XRN1: variants seen among roughly 807,000 people sequenced by gnomAD.
XRN1 encodes 5'-3' exoribonuclease 1.
In XRN1, 67 loss-of-function variants were observed where a neutral mutation model predicts 222.3. The ratio of observed to expected loss-of-function variants is 0.30; its 90% CI spans 0.25 to 0.37. XRN1 has a LOEUF of 0.37. XRN1 is among the 10% of genes least tolerant of loss of function. The pLI is 1.00. For missense variants in XRN1, 1,707 were observed against 2,000.2 expected, an observed-to-expected ratio of 0.85 and a Z score of 2.80; for synonymous variants, 643 against 652.4, an observed-to-expected ratio of 0.99 and a Z score of 0.22.
At chr3:142,328,703 TTATATATATATATATATATATATA>T (rs67278209) in intron 37 of XRN1, among the ~76,000 whole-genome samples, 1,200 of 47,104 alleles carry the variant, frequency 0.025, 85 homozygotes, top group Non-Finnish European at 0.04. Flanking sequence ...ACTTGTAATA[TTATATATATATATATATATATATA>T]TATATATATA....
chr3:142,323,478 G>A (rs1203745206), intron 37 of XRN1, among the ~76,000 whole-genome samples: 4 of 151,844 alleles, frequency 2.6e-5, no homozygotes, highest in South Asian at 2.1e-4. Context: ...TACCATGCCC[G>A]GCCCACTTTT....
intron 20 of XRN1, among the ~76,000 whole-genome samples, chr3:142,392,325 CTT>C (rs58724846): frequency 1.7e-3 from 247 of 143,222 alleles, no homozygotes; most frequent in African/African-American, 3.8e-3. Flanking sequence ...CCAGCAATTT[CTT>C]TTTTTTTTTT....
intron 2 of XRN1, among the ~76,000 whole-genome samples, chr3:142,430,468 T>C (rs139169491): frequency 3.3e-5 from 5 of 152,336 alleles, no homozygotes; most frequent in Non-Finnish European, 4.4e-5. Flanking sequence ...GAGATTCTGA[T>C]AGAGTAAGTC....
chr3:142,316,255 C>T (rs2065209650), intron 39 of XRN1, among the ~76,000 whole-genome samples: 1 of 127,798 alleles, frequency 7.8e-6, no homozygotes, highest in Non-Finnish European at 1.6e-5. Context: ...CTCATTCTGT[C>T]ACCCAGGCTG....
At chr3:142,354,772 C>A (rs1486181982) in intron 32 of XRN1, among the ~76,000 whole-genome samples, 1 of 152,152 alleles carries the variant, frequency 6.6e-6, no homozygotes, top group Non-Finnish European at 1.5e-5. Flanking sequence ...CTCCAGTGAT[C>A]CACCCACCCC....
chr3:142,308,589 A>AT lies in XRN1; in HGVS notation c.*2921dup. 1 of 152,338 alleles carries AT rather than the reference A, an allele frequency of 6.6e-6. No homozygotes were observed. Among genetic ancestry groups the AT allele is most frequent in the South Asian group, 2.1e-4 (1 of 4,828 alleles). The allele number at this position is 152,338 out of a possible 1,614,324, so 9.4% of individuals were successfully genotyped here. On this transcript the variant is annotated 3_prime_UTR_variant, in exon 41 of 41. Transcript: ENST00000392981. ...TTTAGTCTACATGATGTTTAAATCA[A>AT]TTAATACATTCAAATTCTAACGCTG...
chr3:142,394,551 T>A (rs1486920423), intron 20 of XRN1, among the ~76,000 whole-genome samples: 1 of 152,214 alleles, frequency 6.6e-6, no homozygotes. Context: ...AAACTCAGCA[T>A]CTGCTTTACA....
Position 142,332,419 on chromosome 3 carries a change from T to C in XRN1, c.4178A>G (p.Asp1393Gly). 2 of 1,612,634 alleles carry C rather than the reference T, an allele frequency of 1.2e-6. No homozygotes were observed. The highest frequency in any genetic ancestry group is 2.2e-5 in the East Asian group (1 of 44,780). ...AGGCTGAGAGGGTAATCCATATTCA[T>C]CTCTTCTGTTAGAGGAAACAGGGAT... ...NEIPVSSNRR[D>G]EYGLPSQPKQ... The change falls in exon 36 of 41, where the codon GAT becomes GGT. Residue 1393 changes from aspartate (D) to glycine (G), a missense_variant. Asp to Gly is a moderately conservative substitution (Grantham distance 94). This residue lies in a region of XRN1 where 473 missense variants were observed against 482.0 expected (regional missense o/e 0.98). Transcript: ENST00000392981.
At chr3:142,401,203 G>A (rs1442918384) in intron 18 of XRN1, among the ~76,000 whole-genome samples, 1 of 152,108 alleles carries the variant, frequency 6.6e-6, no homozygotes, top group African/African-American at 2.4e-5. Context: ...GGAGACACGG[G>A]TCCAAATTTG....
intron 33 of XRN1, among the ~76,000 whole-genome samples, chr3:142,344,805 G>A (rs1288521319): frequency 6.6e-6 from 1 of 152,148 alleles, no homozygotes; most frequent in Non-Finnish European, 1.5e-5. Context: ...ACTTAATACT[G>A]TTAAGATGAC....
intron 39 of XRN1, chr3:142,313,084 C>T (rs1451034336): frequency 6.4e-7 from 1 of 1,564,804 alleles, no homozygotes; most frequent in Non-Finnish European, 8.6e-7. Flanking sequence ...ATGAAATTGT[C>T]CCTTGTGAGA....
chr3:142,414,702 A>C (rs2068718681), intron 13 of XRN1, among the ~76,000 whole-genome samples: 1 of 151,968 alleles, frequency 6.6e-6, no homozygotes, highest in Admixed American at 6.6e-5. Context: ...TCACCTTGTT[A>C]GCCAGGATGG....
At chr3:142,384,976 A>C (rs1190220020) in intron 20 of XRN1, among the ~76,000 whole-genome samples, 1 of 152,190 alleles carries the variant, frequency 6.6e-6, no homozygotes, top group African/African-American at 2.4e-5. Context: ...AGGGAAAAAA[A>C]TAAGTTTTGG....
At chr3:142,398,050 T>G (rs1445511157) in intron 19 of XRN1, among the ~76,000 whole-genome samples, 6 of 152,104 alleles carry the variant, frequency 3.9e-5, no homozygotes, top group African/African-American at 1.4e-4. Context: ...AAGACCACCC[T>G]GGCAACATAT....
chr3:142,339,450 G>C (rs897700419), intron 33 of XRN1, among the ~76,000 whole-genome samples: 11 of 152,254 alleles, frequency 7.2e-5, no homozygotes, highest in Admixed American at 5.9e-4. Context: ...GTGTTCCCAA[G>C]AAGGACTGCT....
At chr3:142,352,956 T>C (rs1038790993) in intron 32 of XRN1, among the ~76,000 whole-genome samples, 3 of 152,218 alleles carry the variant, frequency 2.0e-5, no homozygotes, top group African/African-American at 4.8e-5. Flanking sequence ...ACATTCCTTT[T>C]TGATCTAAGC....
chr3:142,338,461 G>GGTA (rs1338407606), intron 33 of XRN1, among the ~76,000 whole-genome samples: 3 of 152,082 alleles, frequency 2.0e-5, no homozygotes, highest in Non-Finnish European at 4.4e-5. Context: ...AGCGATACCA[G>GGTA]GTAGTATCCA....
intron 20 of XRN1, among the ~76,000 whole-genome samples, chr3:142,395,496 G>C (rs1042534092): frequency 6.6e-6 from 1 of 152,160 alleles, no homozygotes; most frequent in Non-Finnish European, 1.5e-5. Flanking sequence ...CCTCATAGAA[G>C]TTCAAGCTCA....
chr3:142,405,140 A>T, intron 15 of XRN1, 64 bp from the exon 16 acceptor site: 3 of 1,519,894 alleles, frequency 2.0e-6, no homozygotes, highest in Non-Finnish European at 2.7e-6. Flanking sequence ...AACAAACAGA[A>T]TAAGTCTTTT....
Sources: gnomAD v4.1 joint callset for allele counts (sites outside exome capture counted in the v4.1 genomes callset) on GRCh38, gnomAD v4.1.1 for gene constraint, gnomAD v4.1.1 regional missense constraint, MANE v1.5 for transcripts, NCBI Gene and HGNC (gene_info 2026-07-23, HGNC 2026-07-21) for gene names.